Variants in STAG2 observed in about 807,000 individuals in gnomAD.
STAG2 encodes the protein STAG2 cohesin complex component, also known as cohesin subunit SA-2.
A neutral mutation model predicts 108.1 loss-of-function variants in STAG2; 14 were observed. The ratio of observed to expected loss-of-function variants is 0.13; its 90% CI spans 0.09 to 0.20. The LOEUF is 0.20. Among genes scored for constraint, STAG2 ranks in the 10% least tolerant of loss-of-function variants. STAG2 has a pLI of 1.00. For synonymous variants in STAG2, 307 were observed against 302.7 expected, an observed-to-expected ratio of 1.01 and a Z score of -0.15; for missense variants, 440 against 940.9, an observed-to-expected ratio of 0.47 and a Z score of 6.96.
chrX:123,996,217 TTA>T (rs1296642100), intron 1 of STAG2, among the ~76,000 whole-genome samples: 2 of 112,327 alleles, frequency 1.8e-5, no homozygotes, highest in Admixed American at 9.5e-5. Context: ...GAGGGACTAC[TTA>T]TGTGTTAATT....
At chrX:124,094,791 A>T (rs987206496) in intron 33 of STAG2, among the ~76,000 whole-genome samples, 3 of 112,223 alleles carry the variant, frequency 2.7e-5, no homozygotes, top group African/African-American at 9.7e-5. Flanking sequence ...CAGTCTTATG[A>T]TTCTTTTTAG....
intron 1 of STAG2, among the ~76,000 whole-genome samples, chrX:124,015,961 A>C (rs1212773933): frequency 3.6e-5 from 4 of 111,696 alleles, no homozygotes; most frequent in African/African-American, 1.3e-4. Context: ...TCTTGTTGTC[A>C]GGAGCCTGTA....
chrX:124,022,136 C>T (rs45599337), intron 2 of STAG2, among the ~76,000 whole-genome samples: 17,516 of 110,070 alleles, frequency 0.16, 1,159 homozygotes, highest in South Asian at 0.37. Flanking sequence ...TTTGGGAGGC[C>T]GAGGCAGGTG....
At chrX:123,963,217 C>G (rs1432073062) in intron 1 of STAG2, 1 of 111,705 alleles carries the variant, frequency 9.0e-6, no homozygotes. Context: ...GTGTTTGTTA[C>G]TGTCCTCGCA....
In STAG2 at chrX:124,084,481, G is replaced by A. The variant is rs371492231; in HGVS notation, c.3053+932G>A. Among the ~76,000 whole-genome samples, 11 of 110,689 alleles carry A rather than the reference G, an allele frequency of 9.9e-5. No homozygotes were observed. The East Asian group carries it at 2.0e-3, about 20-fold the overall frequency. ...TTACAGGCGTGCACCACCATGCCCG[G>A]CTAATTTTGTATTTTTAGTAGAGAC... is the stretch of plus-strand genomic sequence containing the variant. On this transcript the variant is annotated intron_variant, in intron 29 of 34. Transcript: ENST00000371145.
At chrX:124,082,557 A>G (rs993376706) in intron 28 of STAG2, among the ~76,000 whole-genome samples, 4 of 110,077 alleles carry the variant, frequency 3.6e-5, no homozygotes, top group African/African-American at 1.3e-4. Flanking sequence ...CTTAATTATT[A>G]TTATTATTTT....
intron 19 of STAG2, 84 bp downstream of exon 19, chrX:124,063,289 T>C: frequency 2.6e-6 from 2 of 766,101 alleles, no homozygotes; most frequent in Non-Finnish European, 3.7e-6. Context: ...TTTCTTAAAA[T>C]GTTTTTTTGG....
In STAG2 at chrX:124,102,408, C is replaced by G; in HGVS notation, c.*1811C>G. 6.4e-6 allele frequency: 1 copy of G among 157,258 alleles called. No homozygotes were observed. Among genetic ancestry groups the G allele is most frequent in the Non-Finnish European group, 1.3e-5 (1 of 79,904 alleles). The allele number at this position is 157,258 out of a possible 1,213,427, so 13.0% of individuals were successfully genotyped here. A position where few individuals can be genotyped will look rare whatever the true frequency, so the allele number is the denominator to read the frequency against. On this transcript the variant is annotated 3_prime_UTR_variant, in exon 35 of 35. Transcript: ENST00000371145. ...TTTATATATTACTCTAACCTGTTGT[C>G]CTCCACATTCTATTGTCCTAATTGT...
chrX:124,097,586 C>T, intron 34 of STAG2: 1 of 236,392 alleles, frequency 4.2e-6, no homozygotes, highest in South Asian at 4.3e-5. Context: ...CCTTGACTAT[C>T]ACTTTGAAAT....
At chrX:123,974,482 C>CTCCCAAAG (rs1348469771) in intron 1 of STAG2, among the ~76,000 whole-genome samples, 1 of 109,171 alleles carries the variant, frequency 9.2e-6, no homozygotes, top group Non-Finnish European at 1.9e-5. Flanking sequence ...CCGTCTTGGC[C>CTCCCAAAG]TCCCAAAGTG....
upstream of STAG2, chrX:123,961,309 C>T (rs998884618): frequency 7.3e-5 from 8 of 109,421 alleles, no homozygotes; most frequent in East Asian, 2.9e-4. Context: ...ACCCCCCCCC[C>T]CCATGGGTGG....
intron 1 of STAG2, among the ~76,000 whole-genome samples, chrX:123,977,952 C>T (rs1602658824): frequency 1.0e-5 from 1 of 100,031 alleles, no homozygotes; most frequent in East Asian, 3.3e-4. Flanking sequence ...AAGCGGTACT[C>T]TTACCTCAGC....
At chrX:124,074,164 T>A (rs2058743581) in intron 25 of STAG2, among the ~76,000 whole-genome samples, 1 of 112,601 alleles carries the variant, frequency 8.9e-6, no homozygotes, top group South Asian at 3.7e-4. Context: ...TACTCTTGCC[T>A]CAGCCTCCTC....
chrX:124,029,309 G>A (rs374976846), intron 4 of STAG2, among the ~76,000 whole-genome samples: 11 of 103,826 alleles, frequency 1.1e-4, no homozygotes, highest in African/African-American at 2.1e-4. Flanking sequence ...GAGCCACTGC[G>A]CCCGGCCTAT....
At chrX:123,961,561 G>A (rs981542366), upstream of STAG2, 5 of 109,800 alleles carry the variant, frequency 4.6e-5, no homozygotes, top group Non-Finnish European at 9.5e-5. Flanking sequence ...GAACCTAGGG[G>A]GGAGGGGAGA....
Position 124,045,151 on chromosome X carries a change from A to G in STAG2, c.463-13A>G. On this transcript the variant is annotated splice_polypyrimidine_tract_variant and intron_variant, in intron 7 of 34. Transcript: ENST00000371145. ...ATTCTAAATGAAATTGCTGTTTTAAATTTTTGTTTTAGGATAGTGGAGATT... is the reference window on the plus strand; with the variant it reads ...ATTCTAAATGAAATTGCTGTTTTAAGTTTTTGTTTTAGGATAGTGGAGATT... 1 of 1,204,049 alleles carries G rather than the reference A, an allele frequency of 8.3e-7. No homozygotes were observed. Among genetic ancestry groups the G allele is most frequent in the Non-Finnish European group, 1.1e-6 (1 of 890,040 alleles).
chrX:123,974,445 C>G lies in STAG2; in HGVS notation c.-163+12589C>G, dbSNP rs113633025. Among the ~76,000 whole-genome samples the G allele has an allele frequency of 6.6e-3, 712 of 108,233 alleles. 6 individuals carry two copies. Among genetic ancestry groups the G allele is most frequent in the African/African-American group, 0.022 (666 of 29,659 alleles). 94.0% of individuals were successfully genotyped at this position (108,233 alleles called of 115,157 possible). ...TTCACTGTGTTGGCCAGGCTTGTAT[C>G]GAACTCCTGAGCTCAAGTGATAACA... On this transcript the variant is annotated intron_variant, in intron 1 of 34. Coordinates refer to ENST00000371145, the MANE Select transcript of STAG2 (RefSeq NM_001042750.2).
chrX:124,061,713 A>G, intron 16 of STAG2, 58 bp from the exon 17 acceptor site: 4 of 875,933 alleles, frequency 4.6e-6, no homozygotes, highest in Non-Finnish European at 4.6e-6. Flanking sequence ...AGTGGCATAT[A>G]GGGAGAAGAA....
chrX:124,004,979 A>T (rs2056217887), intron 1 of STAG2, among the ~76,000 whole-genome samples: 1 of 111,610 alleles, frequency 9.0e-6, no homozygotes, highest in South Asian at 3.7e-4. Flanking sequence ...AGAACCCTCG[A>T]TGATACCAAA....
Sources: gnomAD v4.1 joint callset for allele counts (sites outside exome capture counted in the v4.1 genomes callset) on GRCh38, gnomAD v4.1.1 for gene constraint, MANE v1.5 for transcripts, NCBI Gene and HGNC (gene_info 2026-07-23, HGNC 2026-07-21) for gene names.